Variants in NDST3 observed in about 807,000 individuals in gnomAD.
NDST3 encodes the protein N-deacetylase and N-sulfotransferase 3.
Under a neutral mutation model 96.1 loss-of-function variants are expected in NDST3, and 58 were observed. The observed-to-expected ratio is 0.60, with a 90% confidence interval of 0.49 to 0.75. NDST3 has a LOEUF of 0.75. Ranked by LOEUF, NDST3 falls within the 30% of genes least tolerant of loss-of-function variation. The pLI is 0.00. For missense variants in NDST3, 788 were observed against 1,034.2 expected (o/e 0.76, Z 3.27); for synonymous variants, 333 against 359.7 (o/e 0.93, Z 0.84).
At chr4:118,215,332 T>C (rs1739122503) in intron 6 of NDST3, among the ~76,000 whole-genome samples, 3 of 152,116 alleles carry the variant, frequency 2.0e-5, no homozygotes, top group Admixed American at 2.0e-4. Flanking sequence ...ATTTTAAGTG[T>C]GGTCAACCAT....
intron 3 of NDST3, among the ~76,000 whole-genome samples, chr4:118,109,407 T>G (rs2125857313): frequency 6.6e-6 from 1 of 152,288 alleles, no homozygotes; most frequent in East Asian, 1.9e-4. Flanking sequence ...AACTCCATTA[T>G]TTTTTTGCCC....
At chr4:118,136,061 C>T (rs898654851) in intron 4 of NDST3, among the ~76,000 whole-genome samples, 1 of 152,162 alleles carries the variant, frequency 6.6e-6, no homozygotes, top group African/African-American at 2.4e-5. Context: ...GACTACTCGC[C>T]GTTATTGAAA....
intron 6 of NDST3, among the ~76,000 whole-genome samples, chr4:118,189,769 T>C (rs1174840497): frequency 6.6e-6 from 1 of 152,206 alleles, no homozygotes; most frequent in African/African-American, 2.4e-5. Flanking sequence ...TATTTTACTG[T>C]CATTTATTAA....
intron 6 of NDST3, chr4:118,193,368 G>T: frequency 1.9e-6 from 1 of 514,314 alleles, no homozygotes; most frequent in South Asian, 2.5e-5. Context: ...GGAGACGGGG[G>T]GCAGGCAGCC....
At position 118,165,123 on chromosome 4, in the gene NDST3, A is replaced by G. The variant is rs11945777; in HGVS notation, c.1539+21439A>G. 5.7e-3 allele frequency among the ~76,000 whole-genome samples: 864 copies of G among 152,206 alleles called. 11 individuals carry two copies. The highest frequency in any genetic ancestry group is 0.02 in the African/African-American group (830 of 41,552). On this transcript the variant is annotated intron_variant, in intron 6 of 13. Coordinates refer to ENST00000296499, the MANE Select transcript of NDST3 (RefSeq NM_004784.3). ...TAAATAAATTAAACTCCTCAATCAA[A>G]ATGGATATAGTAGCTGAATGGATAA...
intron 6 of NDST3, among the ~76,000 whole-genome samples, chr4:118,161,750 A>G (rs1008571653): frequency 6.6e-6 from 1 of 152,080 alleles, no homozygotes; most frequent in African/African-American, 2.4e-5. Context: ...GGTGGGAGTG[A>G]CCTGATTTTC....
intron 6 of NDST3, among the ~76,000 whole-genome samples, chr4:118,215,358 T>C (rs935223791): frequency 3.3e-5 from 5 of 152,204 alleles, no homozygotes; most frequent in Middle Eastern, 3.4e-3. Flanking sequence ...ATGGAGTAGA[T>C]TGGTTAACCC....
chr4:118,057,178 C>T (rs1416919242), intron 2 of NDST3, among the ~76,000 whole-genome samples: 1 of 151,914 alleles, frequency 6.6e-6, no homozygotes, highest in African/African-American at 2.4e-5. Context: ...ATAATCATGA[C>T]ATTAGAATTT....
At chr4:118,177,692 T>C (rs1172041391) in intron 6 of NDST3, among the ~76,000 whole-genome samples, 1 of 151,972 alleles carries the variant, frequency 6.6e-6, no homozygotes, top group Admixed American at 6.6e-5. Context: ...ATGATAAATA[T>C]TTCAGAATGG....
intron 2 of NDST3, among the ~76,000 whole-genome samples, chr4:118,076,148 T>C (rs1308722938): frequency 2.0e-5 from 3 of 152,098 alleles, no homozygotes; most frequent in Non-Finnish European, 4.4e-5. Flanking sequence ...GCTTGGAGGG[T>C]TTCTTCTGAA....
intron 1 of NDST3, among the ~76,000 whole-genome samples, chr4:118,045,594 T>A (rs1411951634): frequency 1.3e-5 from 2 of 152,184 alleles, no homozygotes; most frequent in Non-Finnish European, 2.9e-5. Context: ...ATCCTACAAT[T>A]CTATTCTAGA....
chr4:118,196,351 T>C (rs1737685540), intron 6 of NDST3, among the ~76,000 whole-genome samples: 1 of 152,214 alleles, frequency 6.6e-6, no homozygotes. Context: ...AGAGTAATAC[T>C]GGCTTCATAG....
At chr4:118,088,537 C>A (rs1372363131) in intron 2 of NDST3, among the ~76,000 whole-genome samples, 1 of 152,002 alleles carries the variant, frequency 6.6e-6, no homozygotes, top group East Asian at 1.9e-4. Context: ...CCTGAAGAAA[C>A]AACACTTCAC....
chr4:118,118,268 G>GA (rs1196423052), intron 4 of NDST3, among the ~76,000 whole-genome samples: 3 of 152,170 alleles, frequency 2.0e-5, no homozygotes, highest in African/African-American at 7.2e-5. Flanking sequence ...TGAAGAAAGT[G>GA]AAAAAACATG....
intron 1 of NDST3, among the ~76,000 whole-genome samples, chr4:118,042,538 C>T (rs1020076229): frequency 1.3e-4 from 20 of 152,188 alleles, no homozygotes; most frequent in African/African-American, 4.8e-4. Flanking sequence ...TATCAAATCC[C>T]TCTGTTCAAA....
At chr4:118,097,006 C>A (rs575452274) in intron 2 of NDST3, among the ~76,000 whole-genome samples, 2 of 151,950 alleles carry the variant, frequency 1.3e-5, no homozygotes, top group East Asian at 3.9e-4. Flanking sequence ...AATAGTCAGT[C>A]TTTTTGTTCT....
chr4:118,034,110 G>GA (rs373387012), upstream of NDST3, among the ~76,000 whole-genome samples: 18 of 152,078 alleles, frequency 1.2e-4, no homozygotes, highest in Non-Finnish European at 2.1e-4. Context: ...ACAATGGAAA[G>GA]AAAAAAACAA....
intron 6 of NDST3, among the ~76,000 whole-genome samples, chr4:118,153,773 G>C (rs897560159): frequency 1.3e-5 from 2 of 152,040 alleles, no homozygotes; most frequent in East Asian, 3.9e-4. Flanking sequence ...GCAGTGAGCC[G>C]AAATCGCACC....
intron 6 of NDST3, among the ~76,000 whole-genome samples, chr4:118,148,758 A>G (rs1258098640): frequency 1.3e-5 from 2 of 152,208 alleles, no homozygotes; most frequent in African/African-American, 4.8e-5. Flanking sequence ...GAAATAATAC[A>G]TTGACCTAAT....
Sources: allele counts gnomAD v4.1 joint callset (sites outside exome capture counted in the v4.1 genomes callset), GRCh38; gene constraint gnomAD v4.1.1; transcripts MANE v1.5; gene names NCBI Gene and HGNC (gene_info 2026-07-23, HGNC 2026-07-21).